The following GABRG3 variants were observed in gnomAD, a reference collection of about 807,000 sequenced individuals.
GABRG3 encodes the protein gamma-aminobutyric acid type A receptor subunit gamma3.
A neutral mutation model predicts 48.8 loss-of-function variants in GABRG3; 25 were observed. The ratio of observed to expected loss-of-function variants is 0.51; its 90% confidence interval spans 0.37 to 0.72. GABRG3 has a LOEUF of 0.72. Ranked by LOEUF, GABRG3 falls within the 30% of genes least tolerant of loss-of-function variation. The pLI, the probability that GABRG3 is intolerant of heterozygous loss-of-function variation, is 0.00. For synonymous variants in GABRG3, 227 were observed against 217.6 expected (o/e 1.04, Z -0.38); for missense variants, 394 against 577.9 (o/e 0.68, Z 3.26).
At chr15:27,367,863 A>G (rs1055534525) in intron 5 of GABRG3, among the ~76,000 whole-genome samples, 4 of 152,208 alleles carry the variant, frequency 2.6e-5, no homozygotes, top group African/African-American at 9.7e-5. Context: ...GTGAGAGAAG[A>G]CAAATTGGAC....
intron 3 of GABRG3, among the ~76,000 whole-genome samples, chr15:27,080,288 A>G (rs1018396440): frequency 1.5e-5 from 2 of 134,966 alleles, no homozygotes; most frequent in African/African-American, 5.6e-5. Flanking sequence ...TCTCTCTAAT[A>G]AGTAAATAAA....
At chr15:27,245,285 A>G (rs1890237409) in intron 3 of GABRG3, among the ~76,000 whole-genome samples, 1 of 152,112 alleles carries the variant, frequency 6.6e-6, no homozygotes, top group East Asian at 1.9e-4. Context: ...GAAACACCAG[A>G]TTTTTCAAGG....
chr15:27,408,698 T>A (rs1306026061), intron 5 of GABRG3, among the ~76,000 whole-genome samples: 1 of 152,112 alleles, frequency 6.6e-6, no homozygotes, highest in Admixed American at 6.6e-5. Context: ...ATAGAATTTC[T>A]CCTCCTCAAG....
chr15:27,471,196 A>G (rs1459128144), intron 5 of GABRG3, among the ~76,000 whole-genome samples: 1 of 152,150 alleles, frequency 6.6e-6, no homozygotes, highest in Non-Finnish European at 1.5e-5. Flanking sequence ...ATGAAATCAT[A>G]GGGTTGTGGA....
chr15:27,287,124 C>G (rs1187586917), intron 3 of GABRG3, among the ~76,000 whole-genome samples: 1 of 152,104 alleles, frequency 6.6e-6, no homozygotes, highest in Non-Finnish European at 1.5e-5. Context: ...TGTTGAAGCC[C>G]CCAGTTACCA....
chr15:27,476,099 C>T (rs1193920116), intron 5 of GABRG3, among the ~76,000 whole-genome samples: 5 of 152,150 alleles, frequency 3.3e-5, no homozygotes, highest in Non-Finnish European at 1.5e-5. Flanking sequence ...ATGGCTACTG[C>T]AGCAAACACA....
At chr15:27,357,549 TGA>T (rs1402479401) in intron 5 of GABRG3, among the ~76,000 whole-genome samples, 3 of 152,160 alleles carry the variant, frequency 2.0e-5, no homozygotes, top group Non-Finnish European at 4.4e-5. Context: ...CCTACATAAG[TGA>T]CACATTTCTA....
At chr15:27,075,157 AACTG>A (rs1896890498) in intron 3 of GABRG3, among the ~76,000 whole-genome samples, 1 of 152,200 alleles carries the variant, frequency 6.6e-6, no homozygotes. Flanking sequence ...AGAGTAATAT[AACTG>A]ACTATTAATA....
intron 3 of GABRG3, among the ~76,000 whole-genome samples, chr15:27,059,446 A>T (rs1245761576): frequency 6.6e-6 from 1 of 152,210 alleles, no homozygotes; most frequent in Non-Finnish European, 1.5e-5. Flanking sequence ...CAGTTATGAG[A>T]TACTATGTTG....
At chr15:27,500,901 C>T (rs937572134) in intron 6 of GABRG3, among the ~76,000 whole-genome samples, 8 of 147,786 alleles carry the variant, frequency 5.4e-5, no homozygotes, top group Non-Finnish European at 3.0e-5. Context: ...TAAAAGATGA[C>T]GTTAGATTTA....
At chr15:27,190,419 A>G (rs971613942) in intron 3 of GABRG3, among the ~76,000 whole-genome samples, 10 of 152,180 alleles carry the variant, frequency 6.6e-5, no homozygotes, top group African/African-American at 2.4e-4. Flanking sequence ...TTATTGGTCT[A>G]TTCAGAGATT....
At chr15:27,219,726 G>A (rs1889391326) in intron 3 of GABRG3, among the ~76,000 whole-genome samples, 1 of 152,226 alleles carries the variant, frequency 6.6e-6, no homozygotes, top group Non-Finnish European at 1.5e-5. Flanking sequence ...ACCAGGGACT[G>A]GAGCATCAGT....
intron 5 of GABRG3, among the ~76,000 whole-genome samples, chr15:27,394,589 G>C (rs773786807): frequency 6.6e-6 from 1 of 151,968 alleles, no homozygotes; most frequent in Non-Finnish European, 1.5e-5. Flanking sequence ...CTATCCATTT[G>C]TTTTTTCATT....
At chr15:27,030,132 G>A (rs141323676) in intron 3 of GABRG3, among the ~76,000 whole-genome samples, 2 of 152,276 alleles carry the variant, frequency 1.3e-5, no homozygotes, top group Admixed American at 1.3e-4. Context: ...AAGATGAGAA[G>A]AAGCACAATT....
intron 3 of GABRG3, among the ~76,000 whole-genome samples, chr15:27,193,026 C>T (rs1454115914): frequency 1.3e-5 from 2 of 152,102 alleles, no homozygotes; most frequent in African/African-American, 2.4e-5. Flanking sequence ...GTCTGCAGAA[C>T]AGTGGTTTTT....
At chr15:27,210,088 A>G (rs138525287) in intron 3 of GABRG3, among the ~76,000 whole-genome samples, 226 of 152,296 alleles carry the variant, frequency 1.5e-3, no homozygotes, top group African/African-American at 4.9e-3. Flanking sequence ...TTGGGGGGAC[A>G]CAGTTTGGAC....
At chr15:27,219,497 G>A (rs1003495110) in intron 3 of GABRG3, among the ~76,000 whole-genome samples, 1 of 152,188 alleles carries the variant, frequency 6.6e-6, no homozygotes, top group Non-Finnish European at 1.5e-5. Flanking sequence ...CACCTGTGAT[G>A]GGGCAGCTCA....
chr15:27,270,562 G>A (rs1230135899), intron 3 of GABRG3, among the ~76,000 whole-genome samples: 1 of 152,200 alleles, frequency 6.6e-6, no homozygotes, highest in Admixed American at 6.5e-5. Context: ...GTTGAGAGAA[G>A]AATCGTGGTT....
intron 3 of GABRG3, among the ~76,000 whole-genome samples, chr15:27,144,491 G>A (rs1026316194): frequency 8.5e-5 from 13 of 152,146 alleles, no homozygotes; most frequent in Non-Finnish European, 1.3e-4. Flanking sequence ...TCTTTTCTTC[G>A]GAGTACTTGT....
Sources: allele counts gnomAD v4.1 joint callset (sites outside exome capture counted in the v4.1 genomes callset), GRCh38; gene constraint gnomAD v4.1.1; transcripts MANE v1.5; gene names NCBI Gene and HGNC (gene_info 2026-07-23, HGNC 2026-07-21).